Variants in PIP4P2 observed in about 807,000 individuals in gnomAD.
The protein encoded by PIP4P2 is type 2 phosphatidylinositol 4,5-bisphosphate 4-phosphatase.
PIP4P2 carries 19 observed loss-of-function variants against 33.3 expected under a neutral mutation model. The ratio of observed to expected loss-of-function variants is 0.57; its 90% confidence interval spans 0.40 to 0.84. The LOEUF (loss-of-function observed/expected upper bound fraction) is 0.84, where lower values mean the gene tolerates loss of function less well. Among genes scored for constraint, PIP4P2 ranks in the 40% least tolerant of loss-of-function variants. The pLI, the probability that PIP4P2 is intolerant of heterozygous loss-of-function variation, is 0.00. For missense variants in PIP4P2, 270 were observed against 324.7 expected, an observed-to-expected ratio of 0.83 and a Z score of 1.29; for synonymous variants, 110 against 111.9, an observed-to-expected ratio of 0.98 and a Z score of 0.11.
At chr8:91,003,803 G>A (rs1811730705) in intron 5 of PIP4P2, among the ~76,000 whole-genome samples, 1 of 152,110 alleles carries the variant, frequency 6.6e-6, no homozygotes, top group South Asian at 2.1e-4. Flanking sequence ...TAACAACTTG[G>A]AAGAGAAAGT....
intron 1 of PIP4P2, among the ~76,000 whole-genome samples, chr8:91,037,839 T>A (rs989011808): frequency 6.6e-6 from 1 of 152,234 alleles, no homozygotes; most frequent in South Asian, 2.1e-4. Flanking sequence ...TCTTTTGTTA[T>A]ATCCTAACTA....
intron 5 of PIP4P2, among the ~76,000 whole-genome samples, chr8:91,007,135 G>A (rs1428434255): frequency 1.3e-5 from 2 of 152,144 alleles, no homozygotes; most frequent in Admixed American, 6.6e-5. Flanking sequence ...TTGGAGGGGG[G>A]AGTATAGGTG....
intron 1 of PIP4P2, among the ~76,000 whole-genome samples, chr8:91,040,418 T>TCACCAC (rs58764824): frequency 1.3e-3 from 177 of 131,578 alleles, no homozygotes; most frequent in African/African-American, 5.6e-3. Flanking sequence ...ACCACCACCA[T>TCACCAC]CACCACCACC....
chr8:91,000,277 G>A (rs1444644536), intron 5 of PIP4P2, among the ~76,000 whole-genome samples: 1 of 151,702 alleles, frequency 6.6e-6, no homozygotes, highest in Non-Finnish European at 1.5e-5. Context: ...TGTCGTTTTG[G>A]CTATTTTATA....
rs1421634694 is a variant in PIP4P2 at position 91,008,823 on chromosome 8, A to G, written c.487-28T>C. On this transcript the variant is annotated intron_variant, in intron 4 of 6. Transcript: ENST00000285419. Reference sequence around the variant, plus strand: ...GTAAAATAAACAAAGAGAGGAATTGAAAAGAAAACAACTGAAAACTATCCA... The same window carrying G: ...GTAAAATAAACAAAGAGAGGAATTGGAAAGAAAACAACTGAAAACTATCCA... The G allele has an allele frequency of 6.4e-6, 10 of 1,568,712 alleles. No individual in the cohort carries two copies. In the African/African-American group the frequency reaches 1.2e-4, roughly 19 times the overall value.
At chr8:91,006,866 G>C (rs867784755) in intron 5 of PIP4P2, among the ~76,000 whole-genome samples, 5 of 152,196 alleles carry the variant, frequency 3.3e-5, no homozygotes, top group African/African-American at 1.2e-4. Context: ...CTACTTGGGA[G>C]GCTGAGGCAG....
rs117014627 is a variant in PIP4P2 at position 91,007,469 on chromosome 8, A to C, written c.539+1274T>G. Among the ~76,000 whole-genome samples, 1,339 of 152,320 alleles carry C rather than the reference A, an allele frequency of 8.8e-3. 14 individuals carry two copies. The highest frequency in any genetic ancestry group is 0.014 in the Non-Finnish European group (975 of 68,016). On this transcript the variant is annotated intron_variant, in intron 5 of 6. Coordinates refer to ENST00000285419, the MANE Select transcript of PIP4P2 (RefSeq NM_018710.3). The stretch of plus-strand genomic sequence containing the variant: ...TAGATAAGGTATTTATATCATACTA[A>C]GGATCACACAAATTAAAATATGAAT...
chr8:91,033,474 C>T (rs1812197242), intron 1 of PIP4P2, among the ~76,000 whole-genome samples: 1 of 152,190 alleles, frequency 6.6e-6, no homozygotes, highest in African/African-American at 2.4e-5. Context: ...CTTCTGTCAC[C>T]TGTACCCTGG....
chr8:90,996,857 T>C (rs909940382), intron 5 of PIP4P2, 113 bp from the exon 6 acceptor site: 1 of 791,766 alleles, frequency 1.3e-6, no homozygotes, highest in Non-Finnish European at 2.0e-6. Flanking sequence ...TTTTTATTCA[T>C]TGCTTCAACT....
intron 1 of PIP4P2, among the ~76,000 whole-genome samples, chr8:91,023,668 A>T (rs1335261247): frequency 6.6e-6 from 1 of 152,022 alleles, no homozygotes; most frequent in Non-Finnish European, 1.5e-5. Flanking sequence ...TGAAGATTAT[A>T]AATCTAATAT....
chr8:91,029,432 C>G, intron 1 of PIP4P2, among the ~76,000 whole-genome samples: 1 of 152,296 alleles, frequency 6.6e-6, no homozygotes, highest in South Asian at 2.1e-4. Context: ...GGACAAAGAT[C>G]TGACCACATG....
chr8:91,038,825 A>G (rs7016960), intron 1 of PIP4P2, among the ~76,000 whole-genome samples: 72,029 of 152,108 alleles, frequency 0.47, 19,268 homozygotes, highest in South Asian at 0.64. Flanking sequence ...CTCATTCACC[A>G]ATTAAGAAAA....
chr8:91,029,222 C>T (rs557112471), intron 1 of PIP4P2, among the ~76,000 whole-genome samples: 1 of 151,762 alleles, frequency 6.6e-6, no homozygotes, highest in South Asian at 2.1e-4. Flanking sequence ...ACCCCGGAGG[C>T]GGAAGTTGCA....
rs1811599835 is a variant in PIP4P2 at position 90,994,322 on chromosome 8, G to C, written c.*1355C>G. 1 of 152,020 alleles carries C rather than the reference G, an allele frequency of 6.6e-6. No individual in the cohort carries two copies. The highest frequency in any genetic ancestry group is 1.5e-5 in the Non-Finnish European group (1 of 67,940). The allele number at this position is 152,020 out of a possible 1,614,324, so 9.4% of individuals were successfully genotyped here. A position where few individuals can be genotyped will look rare whatever the true frequency, so the allele number is the denominator to read the frequency against. On this transcript the variant is annotated 3_prime_UTR_variant, in exon 7 of 7. Coordinates refer to ENST00000285419, the MANE Select transcript of PIP4P2 (RefSeq NM_018710.3). ...TATTTTTAAAGGTACATATAATCCT[G>C]AGCTACAGCATTTATACATTTGTCA...
intron 6 of PIP4P2, 104 bp downstream of exon 6, chr8:90,996,547 CAAG>C: frequency 1.2e-6 from 1 of 826,800 alleles, no homozygotes; most frequent in African/African-American, 1.8e-5. Context: ...GCTGGCATGC[CAAG>C]GAGGCAGCCT....
intron 2 of PIP4P2, among the ~76,000 whole-genome samples, chr8:91,020,926 T>A (rs1189273342): frequency 1.3e-5 from 2 of 152,198 alleles, no homozygotes; most frequent in East Asian, 3.8e-4. Context: ...AATATTTTCA[T>A]TTTAATGAAA....
At chr8:91,030,639 C>T (rs1015287998) in intron 1 of PIP4P2, among the ~76,000 whole-genome samples, 5 of 152,152 alleles carry the variant, frequency 3.3e-5, no homozygotes, top group African/African-American at 4.8e-5. Context: ...TATGCCCATT[C>T]GCCAAGTCTT....
chr8:91,028,068 A>T (rs2130376566), intron 1 of PIP4P2, among the ~76,000 whole-genome samples: 1 of 152,324 alleles, frequency 6.6e-6, no homozygotes, highest in Middle Eastern at 3.4e-3. Flanking sequence ...GCAATTAAAC[A>T]CTGAATACAG....
chr8:90,995,763 C>T lies in PIP4P2; in HGVS notation c.688G>A (p.Ala230Thr), dbSNP rs1282081532. Residue 230 changes from alanine (A) to threonine (T), a missense_variant, in exon 7 of 7, where the codon GCT (alanine) becomes ACT (threonine). Transcript: ENST00000285419. ...FRATYVSWAI[A>T]YLLGLICLIR... ...AGGCAGATCAATCCTAGGAGATAAG[C>T]AATTGCCCAAGAAACATAGGTTGCT... The T allele has an allele frequency of 1.2e-6, 2 of 1,613,174 alleles. No individual in the cohort carries two copies. Among genetic ancestry groups the T allele is most frequent in the Admixed American group, 3.3e-5 (2 of 59,906 alleles).
Sources: allele counts gnomAD v4.1 joint callset (sites outside exome capture counted in the v4.1 genomes callset), GRCh38; gene constraint gnomAD v4.1.1; transcripts MANE v1.5; gene names NCBI Gene and HGNC (gene_info 2026-07-23, HGNC 2026-07-21).